The following WAC variants were observed in gnomAD, a reference collection of about 807,000 sequenced individuals.
WAC encodes WW domain-containing adapter protein with coiled-coil.
WAC carries 11 observed loss-of-function variants against 79.6 expected under a neutral mutation model. The observed-to-expected ratio is 0.14, with a 90% CI of 0.09 to 0.23. The LOEUF is 0.23. WAC is among the 10% of genes least tolerant of loss of function. WAC has a pLI of 1.00. For synonymous variants in WAC, 304 were observed against 276.9 expected, an observed-to-expected ratio of 1.10 and a Z score of -0.97; for missense variants, 728 against 773.5, an observed-to-expected ratio of 0.94 and a Z score of 0.70.
In WAC at chr10:28,611,862, A is replaced by G. The variant is rs764781040; in HGVS notation, c.1377A>G (p.Gln459=). 52 of 1,614,026 alleles carry G rather than the reference A, an allele frequency of 3.2e-5. No homozygotes were observed. The highest frequency in any genetic ancestry group is 2.5e-4 in the South Asian group (23 of 91,084). Residue 459 remains glutamine (Q), a synonymous_variant, in exon 10 of 14, where the codon CAA becomes CAG. Coordinates refer to ENST00000354911, the MANE Select transcript of WAC (RefSeq NM_016628.5). ...TTTCTCCAAGAATAAGCACACCTCA[A>G]ACTAACACAGTCCCTATCAAACCTT... is the stretch of plus-strand genomic sequence containing the variant. ...SYVSPRISTP[Q]TNTVPIKPLI...
At chr10:28,542,313 T>G (rs769901620) in intron 3 of WAC, among the ~76,000 whole-genome samples, 1 of 152,204 alleles carries the variant, frequency 6.6e-6, no homozygotes, top group Non-Finnish European at 1.5e-5. Context: ...TGACCTGTTA[T>G]GATTTACTTA....
chr10:28,606,206 A>G (rs924412230), intron 7 of WAC, among the ~76,000 whole-genome samples: 17 of 152,146 alleles, frequency 1.1e-4, no homozygotes, highest in African/African-American at 4.1e-4. Flanking sequence ...GCAAGCCACC[A>G]CAGCTGGCTA....
At position 28,616,186 on chromosome 10, in the gene WAC, C is replaced by G; in HGVS notation, c.1570C>G (p.Pro524Ala). Residue 524 changes from proline (P) to alanine (A), a missense_variant, in exon 12 of 14, where the codon CCA becomes GCA. Pro to Ala is a conservative substitution (Grantham distance 27). Around this residue, in one of 3 missense-constraint regions of WAC, gnomAD observed 648 missense variants for 661.5 expected, o/e 0.98. Transcript: ENST00000354911. The stretch of plus-strand genomic sequence containing the variant: ...TCTGTTTTCTAGTAGCCAGAGAAGT[C>G]CATCACCTGGTCCCAATCATACTTC... Reference protein sequence around the residue: ...SLQRSSSQRSPSPGPNHTSNS... With the variant: ...SLQRSSSQRSASPGPNHTSNS... 1 of 1,599,716 alleles carries G rather than the reference C, an allele frequency of 6.3e-7. No homozygotes were observed. The highest frequency in any genetic ancestry group is 1.1e-5 in the South Asian group (1 of 89,744).
chr10:28,619,825 T>G lies in WAC; in HGVS notation c.*219T>G. The G allele has an allele frequency of 2.4e-6, 1 of 411,350 alleles. No homozygotes were observed. The allele number at this position is 411,350 out of a possible 1,614,324, so 25.5% of individuals were successfully genotyped here. On this transcript the variant is annotated 3_prime_UTR_variant, in exon 14 of 14. Transcript: ENST00000354911. ...ATTTCTTGTAGATGTATCCTTCACG[T>G]TGTAAATATGTTTTGTAGAGTGAAG...
Position 28,589,589 on chromosome 10 carries a change from TATAA to T in WAC, c.382-143_382-140del, listed in dbSNP as rs1222638467. The T allele has an allele frequency of 4.4e-5, 19 of 435,582 alleles. No individual in the cohort carries two copies. In the Admixed American group the frequency reaches 6.3e-4, roughly 14 times the overall value. 27.0% of individuals were successfully genotyped at this position (435,582 alleles called of 1,614,324 possible). Reference sequence around the variant, plus strand: ...TGAAGATTTTCATAAACTAAGGTCTTATAAATACTTACACAGATAATTGCATTCT... The same window carrying T: ...TGAAGATTTTCATAAACTAAGGTCTTATACTTACACAGATAATTGCATTCT... On this transcript the variant is annotated intron_variant, in intron 4 of 13. Transcript: ENST00000354911.
rs1403814375 is a variant in WAC, at chr10:28,616,056, T to G, written c.1557-117T>G. ...TTTATTTGACATTAAAATAACAAAT[T>G]TTTCTTAGGAATTTGGATATCTTTA... On this transcript the variant is annotated intron_variant, in intron 11 of 13. Coordinates refer to ENST00000354911, the MANE Select transcript of WAC (RefSeq NM_016628.5). 4 of 825,566 alleles carry G rather than the reference T, an allele frequency of 4.8e-6. No individual in the cohort carries two copies. In the South Asian group the frequency reaches 1.1e-4, roughly 22 times the overall value. The allele number at this position is 825,566 out of a possible 1,614,324, so 51.1% of individuals were successfully genotyped here. A position where few individuals can be genotyped will look rare whatever the true frequency, so the allele number is the denominator to read the frequency against.
intron 8 of WAC, among the ~76,000 whole-genome samples, chr10:28,609,709 C>T (rs930838891): frequency 6.6e-6 from 1 of 152,014 alleles, no homozygotes; most frequent in African/African-American, 2.4e-5. Flanking sequence ...CCCATCTCTA[C>T]TAAAAATACA....
Position 28,535,547 on chromosome 10 carries a change from G to T in WAC, c.79-15G>T. Reference sequence around the variant, plus strand: ...AATTCTTTCTCTCTTTTTTTGGGGGGGTGATGTTTTACAGGCACTTAAGTA... The same window carrying T: ...AATTCTTTCTCTCTTTTTTTGGGGGTGTGATGTTTTACAGGCACTTAAGTA... On this transcript the variant is annotated splice_polypyrimidine_tract_variant and intron_variant, in intron 2 of 13. Transcript: ENST00000354911. 1 of 1,529,906 alleles carries T rather than the reference G, an allele frequency of 6.5e-7. No individual in the cohort carries two copies. Among genetic ancestry groups the T allele is most frequent in the Non-Finnish European group, 8.8e-7 (1 of 1,133,726 alleles). 94.8% of individuals were successfully genotyped at this position (1,529,906 alleles called of 1,614,324 possible).
rs551153130 is a variant in WAC, at chr10:28,534,920, A to G, written c.79-642A>G. ...CATTGCAACAGATTAGTACATCATGATTGTCTTAAGATATGTGTTAGAATA... is the reference window on the plus strand; with the variant it reads ...CATTGCAACAGATTAGTACATCATGGTTGTCTTAAGATATGTGTTAGAATA... On this transcript the variant is annotated intron_variant, in intron 2 of 13. Transcript: ENST00000354911. 3.5e-4 allele frequency among the ~76,000 whole-genome samples: 53 copies of G among 152,306 alleles called. No individual in the cohort carries two copies. In the East Asian group the frequency reaches 6.7e-3, roughly 19 times the overall value.
intron 3 of WAC, among the ~76,000 whole-genome samples, chr10:28,570,177 A>AGAAG (rs1838867434): frequency 6.6e-6 from 1 of 152,178 alleles, no homozygotes; most frequent in Non-Finnish European, 1.5e-5. Flanking sequence ...CTTTAATACC[A>AGAAG]CATATTTTTG....
intron 9 of WAC, chr10:28,611,110 T>C (rs190681696): frequency 2.4e-5 from 14 of 592,964 alleles, no homozygotes; most frequent in African/African-American, 1.3e-4. Flanking sequence ...AGTTTTTTTA[T>C]GCCAAAGCTG....
chr10:28,582,758 G>T (rs1372970872), intron 3 of WAC, among the ~76,000 whole-genome samples: 1 of 151,954 alleles, frequency 6.6e-6, no homozygotes, highest in Non-Finnish European at 1.5e-5. Flanking sequence ...TTTTTTCTGT[G>T]GTCACTGACA....
chr10:28,587,869 C>A (rs1246358222), intron 4 of WAC, among the ~76,000 whole-genome samples: 1 of 151,810 alleles, frequency 6.6e-6, no homozygotes, highest in Non-Finnish European at 1.5e-5. Context: ...AACTTTCTGT[C>A]CTGGAGGTTG....
At chr10:28,582,690 A>C (rs560997601) in intron 3 of WAC, among the ~76,000 whole-genome samples, 1 of 152,332 alleles carries the variant, frequency 6.6e-6, no homozygotes, top group East Asian at 1.9e-4. Flanking sequence ...GTCATTCATC[A>C]AAGTGTTTTT....
chr10:28,565,671 T>C (rs1838561825), intron 3 of WAC, among the ~76,000 whole-genome samples: 1 of 152,228 alleles, frequency 6.6e-6, no homozygotes, highest in Admixed American at 6.5e-5. Flanking sequence ...TAGGTTATTA[T>C]GGAAATACCT....
intron 13 of WAC, among the ~76,000 whole-genome samples, chr10:28,618,513 A>AACTAC (rs1841571098): frequency 6.6e-6 from 1 of 152,216 alleles, no homozygotes; most frequent in Admixed American, 6.5e-5. Flanking sequence ...TTATAGTCAG[A>AACTAC]TTGCTCTGAA....
chr10:28,608,187 A>T lies in WAC; in HGVS notation c.921A>T (p.Glu307Asp). The T allele has an allele frequency of 6.2e-7, 1 of 1,613,546 alleles. No homozygotes were observed. Among genetic ancestry groups the T allele is most frequent in the African/African-American group, 1.3e-5 (1 of 75,004 alleles). The change falls in exon 8 of 14, where the codon GAA (glutamate) becomes GAT (aspartate). Residue 307 changes from glutamate (E) to aspartate (D), a missense_variant and splice_region_variant. Coordinates refer to ENST00000354911, the MANE Select transcript of WAC (RefSeq NM_016628.5). ...CAGGCTGATTATCTTTTTATTTAGA[A>T]TCTACATCAGGAGACAAACCCGTAT... ...SVPAQKTERK[E>D]STSGDKPVSH...
At chr10:28,550,011 A>G (rs1837570804) in intron 3 of WAC, among the ~76,000 whole-genome samples, 1 of 152,090 alleles carries the variant, frequency 6.6e-6, no homozygotes, top group Non-Finnish European at 1.5e-5. Flanking sequence ...CTAAAAATAC[A>G]AAAAGTTAGC....
chr10:28,572,556 AAT>A (rs1383625756), intron 3 of WAC, among the ~76,000 whole-genome samples: 2 of 152,108 alleles, frequency 1.3e-5, no homozygotes, highest in Non-Finnish European at 2.9e-5. Flanking sequence ...TCACACCTGT[AAT>A]CCCACACTTT....
Sources: gnomAD v4.1 joint callset for allele counts (sites outside exome capture counted in the v4.1 genomes callset) on GRCh38, gnomAD v4.1.1 for gene constraint, gnomAD v4.1.1 regional missense constraint, MANE v1.5 for transcripts, NCBI Gene and HGNC (gene_info 2026-07-23, HGNC 2026-07-21) for gene names.